The following NRXN1 variants were observed in gnomAD, a reference collection of about 807,000 sequenced individuals.
NRXN1 encodes the protein neurexin-1.
NRXN1 carries 39 observed loss-of-function variants against 150.9 expected under a neutral mutation model. The observed-to-expected ratio is 0.26, with a 90% confidence interval of 0.20 to 0.34. The LOEUF is 0.34. Ranked by LOEUF, NRXN1 falls within the 10% of genes least tolerant of loss-of-function variation. NRXN1 has a pLI of 1.00. For missense variants in NRXN1, 1,815 were observed against 1,949.9 expected, an observed-to-expected ratio of 0.93 and a Z score of 1.30; for synonymous variants, 924 against 757.0, an observed-to-expected ratio of 1.22 and a Z score of -3.62.
chr2:50,220,663 A>G (rs2152857354), intron 18 of NRXN1, among the ~76,000 whole-genome samples: 1 of 152,154 alleles, frequency 6.6e-6, no homozygotes, highest in East Asian at 1.9e-4. Context: ...ATATCCCATT[A>G]TCAGTTCCAC....
chr2:49,969,127 T>C (rs1053947972), intron 21 of NRXN1, among the ~76,000 whole-genome samples: 1 of 152,140 alleles, frequency 6.6e-6, no homozygotes, highest in African/African-American at 2.4e-5. Context: ...GGCCAAATTT[T>C]TGGCTTGCTA....
At position 50,347,035 on chromosome 2, in the gene NRXN1, G is replaced by T; in HGVS notation, c.3365-110065C>A. 1.5e-6 allele frequency: 2 copies of T among 1,368,248 alleles called. No individual in the cohort carries two copies. Among genetic ancestry groups the T allele is most frequent in the East Asian group, 4.3e-5 (1 of 23,376 alleles). The allele number at this position is 1,368,248 out of a possible 1,614,324, so 84.8% of individuals were successfully genotyped here. ...GAGAGGGCGCAGGGGAGCGGGCGGC[G>T]CGGAGTGGGCTGAGGGGCCGGCCGC... On this transcript the variant is annotated intron_variant, in intron 17 of 22. Coordinates refer to ENST00000401669, the MANE Select transcript of NRXN1 (RefSeq NM_001330078.2). The surrounding 1 kb of genome is among the most constrained non-coding windows in gnomAD (Gnocchi z 4.9).
At chr2:49,997,649 T>G (rs1285833219) in intron 21 of NRXN1, among the ~76,000 whole-genome samples, 1 of 152,178 alleles carries the variant, frequency 6.6e-6, no homozygotes, top group Non-Finnish European at 1.5e-5. Flanking sequence ...AAGCTTATTG[T>G]CTCCTTGCCA....
At chr2:50,808,250 T>C (rs1475661216) in intron 5 of NRXN1, among the ~76,000 whole-genome samples, 2 of 152,138 alleles carry the variant, frequency 1.3e-5, no homozygotes, top group African/African-American at 4.8e-5. Flanking sequence ...CATCATGTTA[T>C]GGATAAAGAA....
intron 17 of NRXN1, among the ~76,000 whole-genome samples, chr2:50,306,052 T>C (rs555654959): frequency 1.3e-5 from 2 of 152,308 alleles, no homozygotes; most frequent in East Asian, 3.9e-4. Flanking sequence ...TATTAAAGAA[T>C]GACAGGTGCT....
At chr2:50,629,628 T>C (rs1681880352) in intron 5 of NRXN1, among the ~76,000 whole-genome samples, 2 of 151,726 alleles carry the variant, frequency 1.3e-5, no homozygotes, top group African/African-American at 4.8e-5. Context: ...ATAAAATGTT[T>C]GAATAATCTG....
intron 5 of NRXN1, among the ~76,000 whole-genome samples, chr2:50,875,584 T>C (rs982181030): frequency 6.6e-6 from 1 of 151,818 alleles, no homozygotes; most frequent in Admixed American, 6.6e-5. Context: ...TTCTACCTCA[T>C]GCCTAACCAA....
At chr2:50,453,078 A>G (rs2104548082) in intron 17 of NRXN1, among the ~76,000 whole-genome samples, 1 of 152,324 alleles carries the variant, frequency 6.6e-6, no homozygotes, top group East Asian at 1.9e-4. Context: ...TGTTGCCATG[A>G]TGTTCTATTT....
chr2:50,525,898 G>A (rs1167662868), intron 12 of NRXN1, among the ~76,000 whole-genome samples: 6 of 152,098 alleles, frequency 3.9e-5, no homozygotes, highest in Non-Finnish European at 7.4e-5. Context: ...TTTAACAAAG[G>A]GCTGTGCCCT....
At chr2:49,926,094 C>A (rs992181924) in intron 22 of NRXN1, among the ~76,000 whole-genome samples, 6 of 152,172 alleles carry the variant, frequency 3.9e-5, no homozygotes, top group Non-Finnish European at 8.8e-5. Flanking sequence ...AATACAAAGG[C>A]TTTTGACTTT....
chr2:50,741,817 T>C lies in NRXN1; in HGVS notation c.833-118202A>G, dbSNP rs374589825. 2.4e-4 allele frequency among the ~76,000 whole-genome samples: 36 copies of C among 152,238 alleles called. No individual in the cohort carries two copies. The East Asian group carries it at 2.9e-3, about 12-fold the overall frequency. Reference sequence around the variant, plus strand: ...TAGTATGGAACCCTAACCCTAATCATCTCAAATCGATTGACCCCCAGAAAC... The same window carrying C: ...TAGTATGGAACCCTAACCCTAATCACCTCAAATCGATTGACCCCCAGAAAC... On this transcript the variant is annotated intron_variant, in intron 5 of 22. Coordinates refer to ENST00000401669, the MANE Select transcript of NRXN1 (RefSeq NM_001330078.2).
chr2:50,230,315 T>C (rs1325062436), intron 18 of NRXN1, among the ~76,000 whole-genome samples: 1 of 152,008 alleles, frequency 6.6e-6, no homozygotes, highest in South Asian at 2.1e-4. Flanking sequence ...GTTAATATGT[T>C]TCACTGGAGT....
At chr2:50,709,872 A>T (rs1181550824) in intron 5 of NRXN1, among the ~76,000 whole-genome samples, 1 of 152,180 alleles carries the variant, frequency 6.6e-6, no homozygotes, top group Non-Finnish European at 1.5e-5. Context: ...TAAGATCACA[A>T]GGCTATCAAG....
At chr2:50,396,266 T>C (rs1378895694) in intron 17 of NRXN1, among the ~76,000 whole-genome samples, 2 of 152,172 alleles carry the variant, frequency 1.3e-5, no homozygotes, top group Admixed American at 1.3e-4. Context: ...CTACTCTAAA[T>C]AACAAATTCC....
intron 2 of NRXN1, among the ~76,000 whole-genome samples, chr2:50,977,493 G>A (rs1696052991): frequency 6.6e-6 from 1 of 151,876 alleles, no homozygotes; most frequent in South Asian, 2.1e-4. Flanking sequence ...GCCTCAGTAA[G>A]AAGAAGTATG....
chr2:50,594,109 C>A (rs1005162365), intron 8 of NRXN1, among the ~76,000 whole-genome samples: 2 of 152,272 alleles, frequency 1.3e-5, no homozygotes. Flanking sequence ...GAAGTCTCTC[C>A]AGCCATGCTG....
At chr2:50,695,446 A>T (rs1470978030) in intron 5 of NRXN1, among the ~76,000 whole-genome samples, 1 of 152,172 alleles carries the variant, frequency 6.6e-6, no homozygotes, top group African/African-American at 2.4e-5. Flanking sequence ...TGCCTCATAG[A>T]TCCTGGGTTC....
chr2:50,113,170 T>G lies in NRXN1; in HGVS notation c.3547-21676A>C, dbSNP rs1216209241. Among the ~76,000 whole-genome samples the G allele has an allele frequency of 2.0e-5, 3 of 152,224 alleles. No individual in the cohort carries two copies. In the East Asian group the frequency reaches 5.8e-4, roughly 29 times the overall value. ...CAATCCCTATCATCTGGCATAAACC[T>G]GGATCACAGTAGGTACTTAATAAAT... On this transcript the variant is annotated intron_variant, in intron 18 of 22. Transcript: ENST00000401669.
intron 5 of NRXN1, among the ~76,000 whole-genome samples, chr2:50,658,631 C>T (rs954588915): frequency 2.0e-5 from 3 of 151,924 alleles, no homozygotes; most frequent in Non-Finnish European, 2.9e-5. Flanking sequence ...TTTACAGCCT[C>T]ATCACTTCCT....
Sources: gnomAD v4.1 joint callset for allele counts (sites outside exome capture counted in the v4.1 genomes callset) on GRCh38, gnomAD v4.1.1 for gene constraint, Gnocchi (gnomAD v3.1) non-coding constraint, MANE v1.5 for transcripts, NCBI Gene and HGNC (gene_info 2026-07-23, HGNC 2026-07-21) for gene names.